Variants in CDKAL1 observed in about 807,000 individuals in gnomAD.
CDKAL1 encodes the protein CDKAL1 threonylcarbamoyladenosine tRNA methylthiotransferase.
A neutral mutation model predicts 68.2 loss-of-function variants in CDKAL1; 32 were observed. That is an observed-to-expected ratio of 0.47 (90% confidence interval 0.35 to 0.63). CDKAL1 has a LOEUF of 0.63. CDKAL1 is among the 30% of genes least tolerant of loss of function. The pLI is 0.00. For missense variants in CDKAL1, 606 were observed against 696.7 expected, an observed-to-expected ratio of 0.87 and a Z score of 1.47; for synonymous variants, 234 against 244.3, an observed-to-expected ratio of 0.96 and a Z score of 0.39.
At chr6:20,946,523 G>A (rs1764243171) in intron 9 of CDKAL1, among the ~76,000 whole-genome samples, 3 of 151,918 alleles carry the variant, frequency 2.0e-5, no homozygotes, top group Admixed American at 6.6e-5. Context: ...AGCCAATACG[G>A]CTGGCCTTTA....
chr6:20,935,383 A>G (rs1020031406), intron 9 of CDKAL1, among the ~76,000 whole-genome samples: 1 of 150,572 alleles, frequency 6.6e-6, no homozygotes, highest in Admixed American at 6.6e-5. Context: ...CATTCTTCTC[A>G]TTTTTGTTGA....
At chr6:21,078,858 A>G (rs925133949) in intron 12 of CDKAL1, among the ~76,000 whole-genome samples, 1 of 152,080 alleles carries the variant, frequency 6.6e-6, no homozygotes, top group Non-Finnish European at 1.5e-5. Flanking sequence ...GTGCTTATTT[A>G]TACCCTGTCA....
intron 4 of CDKAL1, among the ~76,000 whole-genome samples, chr6:20,613,500 C>T (rs1766742671): frequency 6.6e-6 from 1 of 150,844 alleles, no homozygotes; most frequent in Non-Finnish European, 1.5e-5. Context: ...GTATCAAATT[C>T]CTAGTCTCAA....
rs143230233 is a variant in CDKAL1, at chr6:20,654,744, C to G, written c.371+5367C>G. 2.2e-3 allele frequency among the ~76,000 whole-genome samples: 337 copies of G among 152,248 alleles called. 2 individuals are homozygous for G. The highest frequency in any genetic ancestry group is 0.01 in the Middle Eastern group (3 of 294). On this transcript the variant is annotated intron_variant, in intron 5 of 15. Coordinates refer to ENST00000274695, the MANE Select transcript of CDKAL1 (RefSeq NM_017774.3). ...TCTTCTTTTATCTGTGCATTGCCCA[C>G]CCTCTCATATGTTGAGTGTCCATAG...
chr6:21,129,263 A>T (rs1159156554), intron 13 of CDKAL1, among the ~76,000 whole-genome samples: 1 of 152,224 alleles, frequency 6.6e-6, no homozygotes, highest in African/African-American at 2.4e-5. Context: ...TGATTAAAGA[A>T]AGCATGTGAT....
In CDKAL1 at chr6:21,198,023, T is replaced by G; in HGVS notation, c.1302T>G (p.Ile434Met). The G allele has an allele frequency of 6.3e-7, 1 of 1,593,180 alleles. No homozygotes were observed. The highest frequency in any genetic ancestry group is 1.7e-4 in the Middle Eastern group (1 of 6,026). ...TTTCCCTCCCCTTCTCTCCACAGATTGGTGAAAGACAACAAGTGTTAGTAA... is the reference window on the plus strand; with the variant it reads ...TTTCCCTCCCCTTCTCTCCACAGATGGGTGAAAGACAACAAGTGTTAGTAA... ...FHSYSPYDHK[I>M]GERQQVLVTE... The change falls in exon 14 of 16, where the codon ATT (isoleucine) becomes ATG (methionine). Residue 434 changes from isoleucine to methionine, a missense_variant and splice_region_variant. Physicochemically the swap from Ile to Met is conservative, Grantham distance 10 (BLOSUM62 1). Coordinates refer to ENST00000274695, the MANE Select transcript of CDKAL1 (RefSeq NM_017774.3).
chr6:20,839,106 C>CTT (rs79544199), intron 8 of CDKAL1, among the ~76,000 whole-genome samples: 7 of 151,142 alleles, frequency 4.6e-5, no homozygotes, highest in East Asian at 3.9e-4. Flanking sequence ...CATTTTCTTG[C>CTT]TTTTTTTTTC....
intron 11 of CDKAL1, among the ~76,000 whole-genome samples, chr6:21,033,360 G>T (rs569967622): frequency 3.9e-5 from 6 of 152,142 alleles, no homozygotes; most frequent in Admixed American, 2.0e-4. Context: ...ACTAGTGCTT[G>T]ACTAGTGATA....
intron 5 of CDKAL1, among the ~76,000 whole-genome samples, chr6:20,650,758 A>G (rs1768724856): frequency 6.6e-6 from 1 of 152,148 alleles, no homozygotes; most frequent in South Asian, 2.1e-4. Context: ...GTCCAGTTTC[A>G]GTTTTCTGCA....
At chr6:21,104,945 T>C (rs1773774950) in intron 12 of CDKAL1, among the ~76,000 whole-genome samples, 1 of 152,248 alleles carries the variant, frequency 6.6e-6, no homozygotes, top group Non-Finnish European at 1.5e-5. Context: ...CAGCCATTTC[T>C]GATAAGCCTC....
At chr6:20,832,237 TATAAC>T (rs1403169379) in intron 8 of CDKAL1, among the ~76,000 whole-genome samples, 2 of 152,216 alleles carry the variant, frequency 1.3e-5, no homozygotes, top group African/African-American at 4.8e-5. Context: ...TAAAATGATT[TATAAC>T]ATAACCATAT....
At chr6:20,897,267 T>C (rs1039064080) in intron 9 of CDKAL1, among the ~76,000 whole-genome samples, 1 of 152,196 alleles carries the variant, frequency 6.6e-6, no homozygotes, top group African/African-American at 2.4e-5. Flanking sequence ...AGACATTTGT[T>C]CAGAAATGAG....
At chr6:21,157,045 T>TAG (rs1380916734) in intron 13 of CDKAL1, among the ~76,000 whole-genome samples, 1 of 152,152 alleles carries the variant, frequency 6.6e-6, no homozygotes, top group African/African-American at 2.4e-5. Context: ...CTGTGATGCT[T>TAG]AGAGAGATGG....
intron 5 of CDKAL1, among the ~76,000 whole-genome samples, chr6:20,698,648 C>T (rs1025495045): frequency 9.2e-5 from 14 of 152,050 alleles, no homozygotes; most frequent in Admixed American, 7.9e-4. Flanking sequence ...GGGAAGGCCA[C>T]GGTGGTGAAG....
chr6:21,130,181 A>G (rs924186244), intron 13 of CDKAL1, among the ~76,000 whole-genome samples: 4 of 150,710 alleles, frequency 2.7e-5, no homozygotes, highest in African/African-American at 4.9e-5. Flanking sequence ...CTGTGATTCA[A>G]AACTCTAGTA....
chr6:20,859,861 A>G (rs944056963), intron 9 of CDKAL1, among the ~76,000 whole-genome samples: 2 of 152,010 alleles, frequency 1.3e-5, no homozygotes, highest in Non-Finnish European at 2.9e-5. Flanking sequence ...CTAGCATCCA[A>G]CTGTTGTTTC....
intron 4 of CDKAL1, among the ~76,000 whole-genome samples, chr6:20,618,368 G>A (rs1020127485): frequency 6.6e-6 from 1 of 152,114 alleles, no homozygotes; most frequent in African/African-American, 2.4e-5. Context: ...TAGGTTTCCT[G>A]TTCACTCTGA....
chr6:21,003,743 A>G (rs1453561471), intron 11 of CDKAL1, among the ~76,000 whole-genome samples: 1 of 152,176 alleles, frequency 6.6e-6, no homozygotes, highest in Non-Finnish European at 1.5e-5. Context: ...TAACTGATCC[A>G]GCACAAAATT....
chr6:20,864,927 T>C (rs1288360850), intron 9 of CDKAL1, among the ~76,000 whole-genome samples: 3 of 152,230 alleles, frequency 2.0e-5, no homozygotes, highest in African/African-American at 7.2e-5. Context: ...TCTTTTCTTA[T>C]TTATAATGAT....
Sources: allele counts gnomAD v4.1 joint callset (sites outside exome capture counted in the v4.1 genomes callset), GRCh38; gene constraint gnomAD v4.1.1; transcripts MANE v1.5; gene names NCBI Gene and HGNC (gene_info 2026-07-23, HGNC 2026-07-21).